Variants in ATAD2B observed in about 807,000 individuals in gnomAD.
ATAD2B encodes the protein ATPase family AAA domain containing 2B.
In ATAD2B, 40 loss-of-function variants were observed where a neutral mutation model predicts 167.6. That is an observed-to-expected ratio of 0.24 (90% CI 0.19 to 0.31). ATAD2B has a LOEUF of 0.31. Among genes scored for constraint, ATAD2B ranks in the 10% least tolerant of loss-of-function variants. The probability of loss-of-function intolerance (pLI) is 1.00; values close to 1 mark genes in which losing one functional copy is unlikely to be tolerated. For synonymous variants in ATAD2B, 579 were observed against 596.5 expected (o/e 0.97, Z 0.43); for missense variants, 1,242 against 1,757.2 (o/e 0.71, Z 5.24).
chr2:23,813,329 A>G (rs1008756886), intron 17 of ATAD2B, among the ~76,000 whole-genome samples: 2 of 148,260 alleles, frequency 1.3e-5, no homozygotes, highest in Non-Finnish European at 1.5e-5. Flanking sequence ...TTTATAATAT[A>G]TTATAAAATA....
At chr2:23,752,166 A>C (rs1025672663) in intron 27 of ATAD2B, 79 bp from the exon 28 acceptor site, 36 of 1,028,310 alleles carry the variant, frequency 3.5e-5, no homozygotes, top group Non-Finnish European at 4.5e-5. Context: ...ATTCACTTTA[A>C]ATTTTTAGGG....
intron 13 of ATAD2B, among the ~76,000 whole-genome samples, chr2:23,848,996 T>C (rs1692130753): frequency 6.6e-6 from 1 of 151,416 alleles, no homozygotes; most frequent in African/African-American, 2.4e-5. Flanking sequence ...TAAAACTCAA[T>C]AGCAAAATTG....
chr2:23,860,994 T>A (rs1012629046), intron 12 of ATAD2B, among the ~76,000 whole-genome samples: 8 of 151,690 alleles, frequency 5.3e-5, no homozygotes, highest in African/African-American at 1.9e-4. Context: ...AAATAAATAA[T>A]TCAACTACAA....
intron 27 of ATAD2B, among the ~76,000 whole-genome samples, chr2:23,753,806 T>C (rs1166159122): frequency 6.6e-6 from 1 of 152,040 alleles, no homozygotes; most frequent in Non-Finnish European, 1.5e-5. Flanking sequence ...TAGGAAGCAG[T>C]GATAAGGAGT....
intron 25 of ATAD2B, among the ~76,000 whole-genome samples, chr2:23,756,725 C>T (rs1266480531): frequency 6.6e-6 from 1 of 152,154 alleles, no homozygotes; most frequent in Non-Finnish European, 1.5e-5. Context: ...CTGCTTCTTT[C>T]CCCCACTATT....
intron 11 of ATAD2B, 148 bp from the exon 12 acceptor site, chr2:23,863,703 A>C: frequency 2.7e-6 from 2 of 751,882 alleles, no homozygotes. Flanking sequence ...ATATAGACAA[A>C]AGTTTTACTT....
rs143223257 is a variant in ATAD2B, at chr2:23,872,654, T to C, written c.978-2893A>G. On this transcript the variant is annotated intron_variant, in intron 8 of 27. Coordinates refer to ENST00000238789, the MANE Select transcript of ATAD2B (RefSeq NM_017552.4). ...CTCCATCGGAGGTGGTGGAACATCATAGGAGAGCCTCCAGATCTTCACCTG... is the reference window on the plus strand; with the variant it reads ...CTCCATCGGAGGTGGTGGAACATCACAGGAGAGCCTCCAGATCTTCACCTG... The C allele has an allele frequency of 1.8e-4, 244 of 1,346,184 alleles. No homozygotes were observed. The African/African-American group carries it at 1.9e-3, about 11-fold the overall frequency. The allele number at this position is 1,346,184 out of a possible 1,614,324, so 83.4% of individuals were successfully genotyped here. A position where few individuals can be genotyped will look rare whatever the true frequency, so the allele number is the denominator to read the frequency against.
downstream of ATAD2B, among the ~76,000 whole-genome samples, chr2:23,747,954 C>G (rs1383315236): frequency 6.6e-6 from 1 of 151,894 alleles, no homozygotes; most frequent in East Asian, 1.9e-4. Context: ...CTTGATTGAG[C>G]CTCAAATTAT....
chr2:23,787,210 C>T (rs534491385), intron 20 of ATAD2B, among the ~76,000 whole-genome samples: 140 of 152,158 alleles, frequency 9.2e-4, no homozygotes, highest in African/African-American at 3.3e-3. Flanking sequence ...TTACAACGTT[C>T]TCTAATTTTA....
At chr2:23,744,240 A>G (rs541703110), downstream of ATAD2B, among the ~76,000 whole-genome samples, 46 of 152,228 alleles carry the variant, frequency 3.0e-4, no homozygotes, top group African/African-American at 1.0e-3. Flanking sequence ...GAAACATCAA[A>G]TAATCAGCTA....
At chr2:23,768,522 T>C (rs1009719917) in intron 22 of ATAD2B, among the ~76,000 whole-genome samples, 2 of 151,542 alleles carry the variant, frequency 1.3e-5, no homozygotes, top group Non-Finnish European at 2.9e-5. Flanking sequence ...CAGTGAGCCA[T>C]GTTCACACCA....
chr2:23,896,038 G>A (rs1700105718), intron 1 of ATAD2B, 68 bp from the exon 2 acceptor site: 1 of 1,331,950 alleles, frequency 7.5e-7, no homozygotes, highest in Non-Finnish European at 1.0e-6. Flanking sequence ...AATACTAGGG[G>A]CCAGGCAGTG....
chr2:23,819,760 G>C lies in ATAD2B; in HGVS notation c.2254C>G (p.Leu752Val). Reference protein sequence around the residue: ...SSSAAIHKPYLHFTMSPYHQP... With the variant: ...SSSAAIHKPYVHFTMSPYHQP... ...TAAATCACTCACATTGTAAAATGAA[G>C]GTAGGGTTTATGTATAGCAGCAGAT... Residue 752 changes from leucine (L) to valine (V), a missense_variant, in exon 17 of 28, where the codon CTT becomes GTT. Coordinates refer to ENST00000238789, the MANE Select transcript of ATAD2B (RefSeq NM_017552.4). 6.2e-7 allele frequency: 1 copy of C among 1,600,178 alleles called. No individual in the cohort carries two copies.
intron 1 of ATAD2B, among the ~76,000 whole-genome samples, chr2:23,909,852 TTTTTTTGTTTG>T (rs1419564457): frequency 3.3e-5 from 5 of 152,000 alleles, no homozygotes; most frequent in African/African-American, 4.8e-5. Context: ...TTGGGTTGTT[TTTTTTTGTTTG>T]TTTTTGTTTT....
At chr2:23,805,625 G>T (rs1684245942) in intron 18 of ATAD2B, among the ~76,000 whole-genome samples, 1 of 151,954 alleles carries the variant, frequency 6.6e-6, no homozygotes, top group Non-Finnish European at 1.5e-5. Context: ...TAGAATTCCT[G>T]GGTCAAAAGG....
At chr2:23,740,436 A>G in the ATAD2B span, among the ~76,000 whole-genome samples, 6,086 of 150,306 alleles carry the variant, frequency 0.04, 101 homozygotes, top group Admixed American at 0.046. Context: ...TATAAACAGA[A>G]CCAAAGACAA....
At chr2:23,779,623 T>C (rs930801374) in intron 22 of ATAD2B, among the ~76,000 whole-genome samples, 3 of 152,180 alleles carry the variant, frequency 2.0e-5, no homozygotes, top group Non-Finnish European at 4.4e-5. Flanking sequence ...AAAATTTGCA[T>C]TACAAAGATA....
intron 18 of ATAD2B, among the ~76,000 whole-genome samples, chr2:23,800,914 CTA>C (rs1250066797): frequency 6.6e-6 from 1 of 152,068 alleles, no homozygotes; most frequent in Non-Finnish European, 1.5e-5. Flanking sequence ...CCTTTCTGAT[CTA>C]TGAGTGTATA....
At chr2:23,815,855 TC>T (rs1330897392) in intron 17 of ATAD2B, among the ~76,000 whole-genome samples, 2 of 152,200 alleles carry the variant, frequency 1.3e-5, no homozygotes, top group Admixed American at 6.5e-5. Context: ...CTACATTTTT[TC>T]CCCATAGTAC....
Sources: gnomAD v4.1 joint callset for allele counts (sites outside exome capture counted in the v4.1 genomes callset) on GRCh38, gnomAD v4.1.1 for gene constraint, MANE v1.5 for transcripts, NCBI Gene and HGNC (gene_info 2026-07-23, HGNC 2026-07-21) for gene names.